NXPH1: variants seen among roughly 807,000 people sequenced by gnomAD.
NXPH1 encodes the protein neurexophilin 1.
Under a neutral mutation model 23.7 loss-of-function variants are expected in NXPH1, and 5 were observed. That is an observed-to-expected ratio of 0.21 (90% CI 0.11 to 0.44). The LOEUF is 0.44. Ranked by LOEUF, NXPH1 falls within the 20% of genes least tolerant of loss-of-function variation. NXPH1 has a pLI of 0.99. For synonymous variants in NXPH1, 144 were observed against 122.2 expected, an observed-to-expected ratio of 1.18 and a Z score of -1.18; for missense variants, 324 against 321.6, an observed-to-expected ratio of 1.01 and a Z score of -0.06.
rs867604642 is a variant in NXPH1, at chr7:8,752,371, G to T, written c.*602G>T. ...TGTAGTAACTTTTTTCCAGCATACA[G>T]TAGGCACATTCAAAGTGGTCCAAGA... is the stretch of plus-strand genomic sequence containing the variant. On this transcript the variant is annotated 3_prime_UTR_variant, in exon 3 of 3. Coordinates refer to ENST00000405863, the MANE Select transcript of NXPH1 (RefSeq NM_152745.3). 2 of 152,784 alleles carry T rather than the reference G, an allele frequency of 1.3e-5. No individual in the cohort carries two copies. The highest frequency in any genetic ancestry group is 4.8e-5 in the African/African-American group (2 of 41,410). 9.5% of individuals were successfully genotyped at this position (152,784 alleles called of 1,614,324 possible). A position where few individuals can be genotyped will look rare whatever the true frequency, so the allele number is the denominator to read the frequency against.
At chr7:8,661,937 C>T (rs1430717813) in intron 2 of NXPH1, among the ~76,000 whole-genome samples, 1 of 151,822 alleles carries the variant, frequency 6.6e-6, no homozygotes, top group East Asian at 1.9e-4. Flanking sequence ...CCCCAAAAAA[C>T]AAACCAATTA....
intron 2 of NXPH1, among the ~76,000 whole-genome samples, chr7:8,682,517 G>T (rs1188042219): frequency 6.6e-6 from 1 of 152,102 alleles, no homozygotes; most frequent in South Asian, 2.1e-4. Flanking sequence ...AAATTCCTTT[G>T]CTCCATATAA....
intron 2 of NXPH1, among the ~76,000 whole-genome samples, chr7:8,707,945 T>C (rs1462623116): frequency 1.3e-5 from 2 of 152,188 alleles, no homozygotes; most frequent in Admixed American, 1.3e-4. Flanking sequence ...AAAAGCTTTT[T>C]TTTCTTTTGA....
intron 2 of NXPH1, among the ~76,000 whole-genome samples, chr7:8,707,432 C>T (rs544941433): frequency 6.6e-6 from 1 of 152,106 alleles, no homozygotes; most frequent in Non-Finnish European, 1.5e-5. Flanking sequence ...ATAGTATGTT[C>T]CACAAGGAGT....
chr7:8,594,900 G>A (rs10281194), intron 2 of NXPH1, among the ~76,000 whole-genome samples: 43,758 of 151,790 alleles, frequency 0.29, 7,156 homozygotes, highest in African/African-American at 0.43. Flanking sequence ...AATTTGCTGC[G>A]GGCTGAGTGT....
At chr7:8,439,688 G>A (rs1472639522) in intron 2 of NXPH1, among the ~76,000 whole-genome samples, 1 of 152,218 alleles carries the variant, frequency 6.6e-6, no homozygotes, top group Non-Finnish European at 1.5e-5. Context: ...TCCTTAAAAT[G>A]TGAATTCTAC....
intron 2 of NXPH1, among the ~76,000 whole-genome samples, chr7:8,538,683 T>C (rs1407780670): frequency 2.0e-5 from 3 of 152,072 alleles, no homozygotes; most frequent in Non-Finnish European, 4.4e-5. Context: ...CCTCATTGCC[T>C]AGACAGAAGT....
At chr7:8,650,778 C>T (rs1281462137) in intron 2 of NXPH1, among the ~76,000 whole-genome samples, 1 of 152,028 alleles carries the variant, frequency 6.6e-6, no homozygotes, top group Non-Finnish European at 1.5e-5. Context: ...AATGACAGTG[C>T]TGTTGAAATA....
chr7:8,543,758 T>C (rs1358807763), intron 2 of NXPH1, among the ~76,000 whole-genome samples: 2 of 151,694 alleles, frequency 1.3e-5, no homozygotes, highest in Non-Finnish European at 3.0e-5. Context: ...TAAATGCTTG[T>C]CCACCTATTG....
intron 2 of NXPH1, among the ~76,000 whole-genome samples, chr7:8,677,403 A>G (rs1583226337): frequency 1.3e-5 from 2 of 152,332 alleles, no homozygotes; most frequent in South Asian, 4.1e-4. Flanking sequence ...GCATTTAAGA[A>G]ATGACAGACC....
intron 2 of NXPH1, among the ~76,000 whole-genome samples, chr7:8,591,172 G>A (rs10227930): frequency 3.3e-5 from 5 of 151,906 alleles, no homozygotes; most frequent in African/African-American, 1.2e-4. Flanking sequence ...AGTGTTTACA[G>A]TGGGATAAAC....
At chr7:8,448,835 AAAAAAAG>A (rs1429120828) in intron 2 of NXPH1, among the ~76,000 whole-genome samples, 2 of 151,754 alleles carry the variant, frequency 1.3e-5, no homozygotes, top group African/African-American at 2.4e-5. Flanking sequence ...AAAAAAAAAA[AAAAAAAG>A]GACATTTCTA....
In NXPH1 at chr7:8,527,639, C is replaced by T. The variant is rs949042979; in HGVS notation, c.54+91872C>T. Among the ~76,000 whole-genome samples, 8 of 152,134 alleles carry T rather than the reference C, an allele frequency of 5.3e-5. 1 individual carries two copies. The highest frequency in any genetic ancestry group is 4.8e-5 in the African/African-American group (2 of 41,414). On this transcript the variant is annotated intron_variant, in intron 2 of 2. Coordinates refer to ENST00000405863, the MANE Select transcript of NXPH1 (RefSeq NM_152745.3). Reference sequence around the variant, plus strand: ...TCCATACTTTTGAATGAGACTTTTCCGTGGACCTGCTAAATGGATCCAGAC... The same window carrying T: ...TCCATACTTTTGAATGAGACTTTTCTGTGGACCTGCTAAATGGATCCAGAC...
chr7:8,486,214 C>T (rs76672474), intron 2 of NXPH1, among the ~76,000 whole-genome samples: 2 of 152,286 alleles, frequency 1.3e-5, no homozygotes, highest in Admixed American at 6.5e-5. Flanking sequence ...GAATTCCCTT[C>T]AGCCACAGGG....
At chr7:8,538,214 C>T (rs970472796) in intron 2 of NXPH1, among the ~76,000 whole-genome samples, 2 of 151,892 alleles carry the variant, frequency 1.3e-5, no homozygotes, top group East Asian at 1.9e-4. Context: ...TGTCATGTGA[C>T]TTGCCCCCAA....
At chr7:8,511,964 T>C (rs568801300) in intron 2 of NXPH1, among the ~76,000 whole-genome samples, 4 of 152,278 alleles carry the variant, frequency 2.6e-5, no homozygotes, top group African/African-American at 9.6e-5. Flanking sequence ...CCAGTAGCTC[T>C]GGCCCTTGGC....
At chr7:8,737,825 T>C (rs1780288297) in intron 2 of NXPH1, among the ~76,000 whole-genome samples, 1 of 152,214 alleles carries the variant, frequency 6.6e-6, no homozygotes, top group African/African-American at 2.4e-5. Flanking sequence ...GAGGCTTTGT[T>C]CATTCCTTTT....
At chr7:8,540,577 C>T (rs572859529) in intron 2 of NXPH1, among the ~76,000 whole-genome samples, 2 of 151,668 alleles carry the variant, frequency 1.3e-5, no homozygotes, top group Admixed American at 1.3e-4. Flanking sequence ...GAGGTCAAGG[C>T]GGTTAGGATT....
intron 2 of NXPH1, among the ~76,000 whole-genome samples, chr7:8,515,437 G>A (rs527573783): frequency 2.6e-5 from 4 of 152,204 alleles, no homozygotes; most frequent in African/African-American, 9.6e-5. Context: ...CAGCTAAATT[G>A]TGGATACTTG....
Sources: gnomAD v4.1 joint callset for allele counts (sites outside exome capture counted in the v4.1 genomes callset) on GRCh38, gnomAD v4.1.1 for gene constraint, MANE v1.5 for transcripts, NCBI Gene and HGNC (gene_info 2026-07-23, HGNC 2026-07-21) for gene names.